The following CSMD1 variants were observed in gnomAD, a reference collection of about 807,000 sequenced individuals.
CSMD1 encodes CUB and sushi domain-containing protein 1.
CSMD1 carries 213 observed loss-of-function variants against 417.5 expected under a neutral mutation model. The ratio of observed to expected loss-of-function variants is 0.51; its 90% confidence interval spans 0.46 to 0.57. CSMD1 has a LOEUF of 0.57. Ranked by LOEUF, CSMD1 falls within the 20% of genes least tolerant of loss-of-function variation. CSMD1 has a pLI of 0.00. For missense variants in CSMD1, 6,923 were observed against 4,529.7 expected (o/e 1.53, Z -15.17); for synonymous variants, 2,862 against 1,736.8 (o/e 1.65, Z -16.11).
At chr8:4,209,213 C>CTT (rs1165715209) in intron 3 of CSMD1, among the ~76,000 whole-genome samples, 3 of 151,890 alleles carry the variant, frequency 2.0e-5, no homozygotes, top group Non-Finnish European at 2.9e-5. Flanking sequence ...CTTTTCAACA[C>CTT]TTTTAAAAAG....
intron 3 of CSMD1, among the ~76,000 whole-genome samples, chr8:4,213,352 G>A (rs772218446): frequency 1.2e-4 from 18 of 152,146 alleles, no homozygotes; most frequent in Admixed American, 3.9e-4. Flanking sequence ...CTCAAGGGCC[G>A]TGCACAAAAA....
intron 12 of CSMD1, among the ~76,000 whole-genome samples, chr8:3,438,453 G>A (rs1053086109): frequency 6.6e-6 from 1 of 152,062 alleles, no homozygotes; most frequent in East Asian, 1.9e-4. Context: ...TTAACTCCTG[G>A]CCACTACTAA....
chr8:3,550,587 C>G (rs1036205790), intron 10 of CSMD1, among the ~76,000 whole-genome samples: 1 of 152,230 alleles, frequency 6.6e-6, no homozygotes, highest in African/African-American at 2.4e-5. Context: ...TGCATCATCC[C>G]TAAGTTCCTT....
chr8:3,310,591 C>A (rs1356076959), intron 23 of CSMD1, among the ~76,000 whole-genome samples: 1 of 152,158 alleles, frequency 6.6e-6, no homozygotes, highest in Non-Finnish European at 1.5e-5. Flanking sequence ...TGGAAATAAC[C>A]ATTAGGCACA....
intron 5 of CSMD1, among the ~76,000 whole-genome samples, chr8:3,767,432 A>C (rs1459040053): frequency 6.6e-6 from 1 of 152,272 alleles, no homozygotes; most frequent in African/African-American, 2.4e-5. Flanking sequence ...TGTGTGAATA[A>C]CGATATGTGC....
At chr8:4,912,804 G>GGC (rs1554518266) in intron 1 of CSMD1, among the ~76,000 whole-genome samples, 3 of 151,546 alleles carry the variant, frequency 2.0e-5, no homozygotes, top group African/African-American at 7.3e-5. Flanking sequence ...TTGGAGGGGG[G>GGC]GCACAGAGTC....
chr8:4,129,058 G>A (rs571302857), intron 3 of CSMD1, among the ~76,000 whole-genome samples: 17 of 119,638 alleles, frequency 1.4e-4, no homozygotes, highest in African/African-American at 5.4e-4. Context: ...CGTGGTTACA[G>A]AGTGAGAGTC....
chr8:4,690,083 G>C (rs984495031), intron 1 of CSMD1, among the ~76,000 whole-genome samples: 7 of 152,140 alleles, frequency 4.6e-5, no homozygotes, highest in African/African-American at 1.7e-4. Context: ...GAGTTACAAA[G>C]CCTTCTATAA....
At chr8:3,978,457 A>G (rs11987711) in intron 5 of CSMD1, among the ~76,000 whole-genome samples, 48,307 of 151,942 alleles carry the variant, frequency 0.32, 8,259 homozygotes, top group East Asian at 0.46. Context: ...CAATACAGGC[A>G]TTATTGTAAG....
Position 4,471,798 on chromosome 8 carries a change from T to G in CSMD1, c.303-51733A>C, listed in dbSNP as rs1043922892. ...GAGACTGAGGAGCAATATATAGATG[T>G]TAACAGGAAGCTGGCAGGTGTGTCT... On this transcript the variant is annotated intron_variant, in intron 2 of 69. Transcript: ENST00000635120. Among the ~76,000 whole-genome samples, 8 of 152,212 alleles carry G rather than the reference T, an allele frequency of 5.3e-5. 1 individual carries two copies. In the East Asian group the frequency reaches 7.7e-4, roughly 15 times the overall value.
chr8:3,783,492 C>A (rs1166952751), intron 5 of CSMD1, among the ~76,000 whole-genome samples: 1 of 152,170 alleles, frequency 6.6e-6, no homozygotes, highest in Non-Finnish European at 1.5e-5. Context: ...CCCTGCAGTG[C>A]TGAGGAGGGG....
At chr8:4,837,990 G>C (rs1023921483) in intron 1 of CSMD1, among the ~76,000 whole-genome samples, 4 of 152,178 alleles carry the variant, frequency 2.6e-5, no homozygotes, top group African/African-American at 9.7e-5. Flanking sequence ...GCAGGGGGCA[G>C]CAGCTCCATT....
At chr8:3,568,788 G>C (rs1386355528) in intron 10 of CSMD1, among the ~76,000 whole-genome samples, 1 of 151,912 alleles carries the variant, frequency 6.6e-6, no homozygotes, top group African/African-American at 2.4e-5. Flanking sequence ...GTTAGTAGAA[G>C]ACAGGTCTTC....
chr8:4,075,684 A>G (rs1799784645), intron 3 of CSMD1, among the ~76,000 whole-genome samples: 1 of 152,136 alleles, frequency 6.6e-6, no homozygotes, highest in Non-Finnish European at 1.5e-5. Context: ...GGAGCACTGG[A>G]TTCATTTTAT....
At chr8:4,307,257 G>A (rs1798298674) in intron 3 of CSMD1, among the ~76,000 whole-genome samples, 1 of 152,012 alleles carries the variant, frequency 6.6e-6, no homozygotes, top group African/African-American at 2.4e-5. Context: ...TGCTAATCAT[G>A]CACAGAGGGC....
intron 2 of CSMD1, among the ~76,000 whole-genome samples, chr8:4,614,741 G>C (rs890198612): frequency 6.6e-6 from 1 of 152,006 alleles, no homozygotes; most frequent in Admixed American, 6.6e-5. Context: ...AATTACAGTG[G>C]AAAGACTGTC....
intron 1 of CSMD1, among the ~76,000 whole-genome samples, chr8:4,667,626 T>C (rs1805023863): frequency 6.6e-6 from 1 of 152,194 alleles, no homozygotes; most frequent in Non-Finnish European, 1.5e-5. Flanking sequence ...CGCTATTGCA[T>C]ATGGGATTAA....
chr8:2,987,401 A>G (rs1806013792), intron 54 of CSMD1, among the ~76,000 whole-genome samples: 1 of 148,540 alleles, frequency 6.7e-6, no homozygotes, highest in Non-Finnish European at 1.5e-5. Flanking sequence ...AAACAGAAAT[A>G]TTTCTTTCTA....
At chr8:4,036,968 TG>T (rs1797652202) in intron 3 of CSMD1, among the ~76,000 whole-genome samples, 1 of 149,246 alleles carries the variant, frequency 6.7e-6, no homozygotes, top group Non-Finnish European at 1.5e-5. Context: ...TGTGTGTGTG[TG>T]TGTGTGTGTG....
Sources: allele counts gnomAD v4.1 joint callset (sites outside exome capture counted in the v4.1 genomes callset), GRCh38; gene constraint gnomAD v4.1.1; transcripts MANE v1.5; gene names NCBI Gene and HGNC (gene_info 2026-07-23, HGNC 2026-07-21).